The following SKP2 variants were observed in gnomAD, a reference collection of about 807,000 sequenced individuals.
SKP2 encodes the protein S-phase kinase-associated protein 2.
Under a neutral mutation model 51.8 loss-of-function variants are expected in SKP2, and 16 were observed. The ratio of observed to expected loss-of-function variants is 0.31; its 90% CI spans 0.21 to 0.47. SKP2 has a LOEUF of 0.47. Among genes scored for constraint, SKP2 ranks in the 20% least tolerant of loss-of-function variants. SKP2 has a pLI of 1.00. For missense variants in SKP2, 377 were observed against 505.3 expected, an observed-to-expected ratio of 0.75 and a Z score of 2.43; for synonymous variants, 176 against 198.6, an observed-to-expected ratio of 0.89 and a Z score of 0.96.
chr5:36,169,468 G>A (rs1360960389), intron 5 of SKP2, among the ~76,000 whole-genome samples: 1 of 151,722 alleles, frequency 6.6e-6, no homozygotes, highest in African/African-American at 2.4e-5. Context: ...AAAAAGGGAA[G>A]GATGGTGGAG....
intron 9 of SKP2, 152 bp downstream of exon 9, chr5:36,177,444 T>A: frequency 1.4e-6 from 1 of 720,382 alleles, no homozygotes; most frequent in Non-Finnish European, 2.6e-6. Flanking sequence ...CAGCAGAGTA[T>A]TGCTTAAACT....
intron 7 of SKP2, among the ~76,000 whole-genome samples, chr5:36,172,738 A>G (rs769356547): frequency 6.6e-5 from 10 of 152,188 alleles, no homozygotes; most frequent in Non-Finnish European, 1.2e-4. Flanking sequence ...TATAGAAAAT[A>G]ATTGCTAGGA....
In SKP2 at chr5:36,182,236, A is replaced by G. The variant is rs1745834718; in HGVS notation, c.*205A>G. The stretch of plus-strand genomic sequence containing the variant: ...AAGCTTCTATCACTGCTTTGCTCTT[A>G]AGAGCCAAAGTTGTAGGCCTTTTGA... On this transcript the variant is annotated 3_prime_UTR_variant, in exon 10 of 10. Transcript: ENST00000274255. The G allele has an allele frequency of 1.5e-6, 2 of 1,358,282 alleles. No individual in the cohort carries two copies. The highest frequency in any genetic ancestry group is 1.9e-6 in the Non-Finnish European group (2 of 1,056,820). The allele number at this position is 1,358,282 out of a possible 1,614,324, so 84.1% of individuals were successfully genotyped here. A position where few individuals can be genotyped will look rare whatever the true frequency, so the allele number is the denominator to read the frequency against.
intron 2 of SKP2, among the ~76,000 whole-genome samples, chr5:36,160,906 C>T (rs933063778): frequency 3.3e-5 from 5 of 152,194 alleles, no homozygotes; most frequent in African/African-American, 1.2e-4. Flanking sequence ...CTACCCCTAG[C>T]TTTCAGGGCC....
In SKP2 at chr5:36,163,788, G is replaced by A. The variant is rs767149672; in HGVS notation, c.392+32G>A. On this transcript the variant is annotated intron_variant, in intron 3 of 9. Transcript: ENST00000274255. ...ATTTTTCACCCCTTTGGCAAACGTA[G>A]GGGAGGAAGAGGAGAGGAAGGTTAT... 7 of 1,376,854 alleles carry A rather than the reference G, an allele frequency of 5.1e-6. No individual in the cohort carries two copies. In the Admixed American group the frequency reaches 8.4e-5, roughly 17 times the overall value. The allele number at this position is 1,376,854 out of a possible 1,614,324, so 85.3% of individuals were successfully genotyped here.
intron 7 of SKP2, among the ~76,000 whole-genome samples, chr5:36,172,848 C>A (rs1341718941): frequency 6.6e-6 from 1 of 151,880 alleles, no homozygotes; most frequent in Non-Finnish European, 1.5e-5. Flanking sequence ...AAGGTGAACA[C>A]TTTCTTTAGC....
intron 9 of SKP2, among the ~76,000 whole-genome samples, chr5:36,177,702 C>T (rs1308301085): frequency 6.6e-6 from 1 of 151,028 alleles, no homozygotes; most frequent in African/African-American, 2.4e-5. Flanking sequence ...TTCATCTGGG[C>T]TTAAAGTTCT....
intron 2 of SKP2, among the ~76,000 whole-genome samples, chr5:36,157,590 A>C (rs1296778342): frequency 1.3e-5 from 2 of 152,212 alleles, no homozygotes; most frequent in African/African-American, 4.8e-5. Context: ...CCCCAGAAAG[A>C]AAGCATGGGG....
At chr5:36,160,681 A>C (rs1004799566) in intron 2 of SKP2, among the ~76,000 whole-genome samples, 4 of 152,218 alleles carry the variant, frequency 2.6e-5, no homozygotes, top group Non-Finnish European at 5.9e-5. Context: ...AGAGAGTTGG[A>C]TTAATGGGAG....
intron 9 of SKP2, among the ~76,000 whole-genome samples, chr5:36,178,191 C>T (rs42425): frequency 0.61 from 93,342 of 152,048 alleles, 34,366 homozygotes; most frequent in Non-Finnish European, 0.82. Flanking sequence ...TGATCAGGTG[C>T]CCAACATGTC....
downstream of SKP2, among the ~76,000 whole-genome samples, chr5:36,184,697 A>G (rs1745925581): frequency 1.3e-5 from 2 of 152,230 alleles, no homozygotes; most frequent in South Asian, 2.1e-4. Context: ...AGTCTTTGCT[A>G]TTGTGAATAG....
chr5:36,156,347 G>T (rs182307517), intron 2 of SKP2, among the ~76,000 whole-genome samples: 1 of 152,158 alleles, frequency 6.6e-6, no homozygotes, highest in African/African-American at 2.4e-5. Context: ...CCAGGATTAG[G>T]GTAGAACAGG....
Position 36,168,374 on chromosome 5 carries a change from G to A in SKP2, c.598G>A (p.Gly200Ser), listed in dbSNP as rs776115693. Residue 200 changes from glycine to serine, a missense_variant, in exon 5 of 10, where the codon GGC becomes AGC. By Grantham distance (56) the Gly-to-Ser change is moderately conservative. Around this residue, in one of 2 missense-constraint regions of SKP2, gnomAD observed 262 missense variants for 389.8 expected, o/e 0.67. Coordinates refer to ENST00000274255, the MANE Select transcript of SKP2 (RefSeq NM_005983.4). ...AGTTATAGAAGTGTCCACCCTCCACGGCATACTGTCTCAGTGTTCCAAGTT... is the reference window on the plus strand; with the variant it reads ...AGTTATAGAAGTGTCCACCCTCCACAGCATACTGTCTCAGTGTTCCAAGTT... ...NSVIEVSTLH[G>S]ILSQCSKLQN... 13 of 1,614,016 alleles carry A rather than the reference G, an allele frequency of 8.1e-6. No homozygotes were observed. Among genetic ancestry groups the A allele is most frequent in the South Asian group, 7.7e-5 (7 of 91,072 alleles).
intron 2 of SKP2, among the ~76,000 whole-genome samples, chr5:36,156,367 C>G (rs547062149): frequency 6.6e-6 from 1 of 152,326 alleles, no homozygotes; most frequent in East Asian, 1.9e-4. Context: ...GCCACACCTG[C>G]TGTACATAGA....
At chr5:36,166,725 C>CA in intron 4 of SKP2, 63 bp downstream of exon 4, 1 of 902,378 alleles carries the variant, frequency 1.1e-6, no homozygotes, top group East Asian at 2.6e-5. Flanking sequence ...CAGATCAAAG[C>CA]TTTTTTTTTT....
rs1345010898 is a variant in SKP2 at position 36,183,322 on chromosome 5, A to G, written c.*1291A>G. 2.3e-6 allele frequency: 1 copy of G among 432,898 alleles called. No individual in the cohort carries two copies. Among genetic ancestry groups the G allele is most frequent in the Admixed American group, 6.7e-5 (1 of 14,940 alleles). The allele number at this position is 432,898 out of a possible 1,614,324, so 26.8% of individuals were successfully genotyped here. ...CGCTCTGTCACCAAGGCCGGAGTGC[A>G]GTGGTGCGATCTCGGCTCACTGCAA... On this transcript the variant is annotated 3_prime_UTR_variant, in exon 10 of 10. Transcript: ENST00000274255.
In SKP2 at chr5:36,168,908, C is replaced by T. The variant is rs79243939; in HGVS notation, c.671+461C>T. Among the ~76,000 whole-genome samples, 84 of 152,336 alleles carry T rather than the reference C, an allele frequency of 5.5e-4. No individual in the cohort carries two copies. The East Asian group carries it at 0.015, about 28-fold the overall frequency. On this transcript the variant is annotated intron_variant, in intron 5 of 9. Transcript: ENST00000274255. Reference sequence around the variant, plus strand: ...GAATATGTGGCAACACACGAGGAGCCGCCTTGTTAGAGGAAGTGACTCTTG... The same window carrying T: ...GAATATGTGGCAACACACGAGGAGCTGCCTTGTTAGAGGAAGTGACTCTTG...
intron 5 of SKP2, among the ~76,000 whole-genome samples, chr5:36,169,789 G>A (rs573169998): frequency 6.6e-6 from 1 of 152,218 alleles, no homozygotes; most frequent in South Asian, 2.1e-4. Context: ...GACACAGGGA[G>A]ACTGAGTAAG....
rs541226505 is a variant in SKP2, at chr5:36,180,607, C to T, written c.1062-1211C>T. On this transcript the variant is annotated intron_variant, in intron 9 of 9. Transcript: ENST00000274255. ...GAAGACTGGAAGAGCAGGTTAAACACGGAAGGTCTTCAGACTAGCTGAACA... is the reference window on the plus strand; with the variant it reads ...GAAGACTGGAAGAGCAGGTTAAACATGGAAGGTCTTCAGACTAGCTGAACA... 8.5e-5 allele frequency among the ~76,000 whole-genome samples: 13 copies of T among 152,200 alleles called. No homozygotes were observed. The South Asian group carries it at 1.5e-3, about 17-fold the overall frequency.
Sources: gnomAD v4.1 joint callset for allele counts (sites outside exome capture counted in the v4.1 genomes callset) on GRCh38, gnomAD v4.1.1 for gene constraint, gnomAD v4.1.1 regional missense constraint, MANE v1.5 for transcripts, NCBI Gene and HGNC (gene_info 2026-07-23, HGNC 2026-07-21) for gene names.